ADAD1: variants seen among roughly 807,000 people sequenced by gnomAD.
ADAD1 encodes the protein adenosine deaminase domain-containing protein 1.
In ADAD1, 46 loss-of-function variants were observed where a neutral mutation model predicts 66.8. The observed-to-expected ratio is 0.69, with a 90% CI of 0.54 to 0.88. ADAD1 has a LOEUF of 0.88. Among genes scored for constraint, ADAD1 ranks in the 40% least tolerant of loss-of-function variants. The pLI, the probability that ADAD1 is intolerant of heterozygous loss-of-function variation, is 0.00. For synonymous variants in ADAD1, 248 were observed against 229.4 expected, an observed-to-expected ratio of 1.08 and a Z score of -0.73; for missense variants, 617 against 681.8, an observed-to-expected ratio of 0.91 and a Z score of 1.06.
intron 7 of ADAD1, among the ~76,000 whole-genome samples, chr4:122,404,872 A>T (rs1796137983): frequency 6.6e-6 from 1 of 152,130 alleles, no homozygotes; most frequent in Admixed American, 6.5e-5. Context: ...CTCCTCCTAT[A>T]GGCTAATTCT....
chr4:122,407,853 A>C (rs1796286289), intron 7 of ADAD1, 55 bp from the exon 8 acceptor site: 1 of 1,583,670 alleles, frequency 6.3e-7, no homozygotes, highest in Non-Finnish European at 8.6e-7. Context: ...TAAGAGGTGA[A>C]TGTAGGGAAG....
chr4:122,409,423 G>A (rs1358428229), intron 8 of ADAD1, among the ~76,000 whole-genome samples: 1 of 151,756 alleles, frequency 6.6e-6, no homozygotes, highest in Non-Finnish European at 1.5e-5. Flanking sequence ...TAGTGTATAT[G>A]TTTATAGCGT....
At chr4:122,426,057 A>G (rs1032158298) in intron 12 of ADAD1, among the ~76,000 whole-genome samples, 13 of 152,114 alleles carry the variant, frequency 8.5e-5, no homozygotes, top group African/African-American at 3.1e-4. Flanking sequence ...GTAGGAAAAA[A>G]TCTAAATTTG....
intron 6 of ADAD1, among the ~76,000 whole-genome samples, chr4:122,394,615 A>G (rs1159539772): frequency 6.6e-6 from 1 of 152,212 alleles, no homozygotes; most frequent in Admixed American, 6.5e-5. Flanking sequence ...AGTTAGATAT[A>G]GTGTGTGGCC....
intron 6 of ADAD1, among the ~76,000 whole-genome samples, chr4:122,394,284 T>C (rs1795594174): frequency 6.6e-6 from 1 of 152,196 alleles, no homozygotes; most frequent in Non-Finnish European, 1.5e-5. Context: ...TATTTCACAT[T>C]GTATGGTAGT....
At chr4:122,396,184 TAAG>T (rs1288459521) in intron 6 of ADAD1, 65 bp from the exon 7 acceptor site, 3 of 1,299,060 alleles carry the variant, frequency 2.3e-6, no homozygotes, top group African/African-American at 1.5e-5. Context: ...AAGGTTATAA[TAAG>T]AATAATAAGA....
rs367677453 is a variant in ADAD1 at position 122,393,607 on chromosome 4, C to A, written c.548C>A (p.Ala183Glu). The A allele has an allele frequency of 1.3e-6, 2 of 1,598,218 alleles. No homozygotes were observed. Among genetic ancestry groups the A allele is most frequent in the South Asian group, 1.1e-5 (1 of 87,572 alleles). The change falls in exon 6 of 13, where the codon GCA (alanine) becomes GAA (glutamate). Residue 183 changes from alanine to glutamate, a missense_variant. Transcript: ENST00000296513. ...TTTACAGGTCCTCCTCCTTTCCCTG[C>A]AGAACCTGTTGTTTTATCTGAACTA... Reference protein sequence around the residue: ...LETSGPPPFPAEPVVLSELAY... With the variant: ...LETSGPPPFPEEPVVLSELAY...
chr4:122,396,193 T>G, intron 6 of ADAD1, 59 bp from the exon 7 acceptor site: 1 of 1,376,910 alleles, frequency 7.3e-7, no homozygotes, highest in Non-Finnish European at 9.5e-7. Flanking sequence ...ATAAGAATAA[T>G]AAGACAGCTC....
Position 122,421,362 on chromosome 4 carries a change from T to C in ADAD1, c.1589T>C (p.Leu530Pro). The C allele has an allele frequency of 6.2e-7, 1 of 1,602,296 alleles. No homozygotes were observed. The highest frequency in any genetic ancestry group is 8.5e-7 in the Non-Finnish European group (1 of 1,171,990). The change falls in exon 12 of 13, where the codon CTT (leucine) becomes CCT (proline). Residue 530 changes from leucine to proline, a missense_variant. Transcript: ENST00000296513. ...GCCAAAGAAGCTAAAAAAGAATTAC[T>C]TGAAGCTGGTACATATCATGCAGCT... ...LLAKEAKKEL[L>P]EAGTYHAAKC...
intron 11 of ADAD1, among the ~76,000 whole-genome samples, chr4:122,416,517 A>T (rs1201528229): frequency 6.6e-6 from 1 of 152,190 alleles, no homozygotes; most frequent in African/African-American, 2.4e-5. Context: ...GCTTGAAGCC[A>T]AGAGTTCAAG....
At chr4:122,388,097 A>G (rs1795262599) in intron 5 of ADAD1, among the ~76,000 whole-genome samples, 1 of 152,164 alleles carries the variant, frequency 6.6e-6, no homozygotes, top group Non-Finnish European at 1.5e-5. Flanking sequence ...AATTTATCAA[A>G]GGCCTTTTCT....
Position 122,383,857 on chromosome 4 carries a change from G to A in ADAD1, c.420G>A (p.Lys140=), listed in dbSNP as rs1795028717. Residue 140 remains lysine (K), a synonymous_variant, in exon 5 of 13, where the codon AAG becomes AAA. Transcript: ENST00000296513. The part of the protein sequence containing the change: ...FCAVVDGIQY[K]TGLGQNKKES... ...CTGTGGTGGATGGTATTCAGTACAA[G>A]ACTGGACTGGGACAAAATAAAAAGG... The A allele has an allele frequency of 6.2e-7, 1 of 1,613,966 alleles. No homozygotes were observed.
At chr4:122,411,818 A>T (rs1388164914) in intron 9 of ADAD1, among the ~76,000 whole-genome samples, 2 of 152,182 alleles carry the variant, frequency 1.3e-5, no homozygotes, top group African/African-American at 4.8e-5. Flanking sequence ...CCTGTGACTA[A>T]AAGTTCCATG....
At chr4:122,380,712 G>A (rs1251573957) in intron 3 of ADAD1, among the ~76,000 whole-genome samples, 2 of 152,044 alleles carry the variant, frequency 1.3e-5, no homozygotes, top group African/African-American at 4.8e-5. Flanking sequence ...AAATTTCTTG[G>A]TTTCTGGAGA....
At chr4:122,408,416 C>T (rs1360770227) in intron 8 of ADAD1, among the ~76,000 whole-genome samples, 1 of 152,216 alleles carries the variant, frequency 6.6e-6, no homozygotes, top group Non-Finnish European at 1.5e-5. Context: ...GCTGGGATTA[C>T]AGGCATGCGC....
In ADAD1 at chr4:122,382,354, T is replaced by C. The variant is rs1794939031; in HGVS notation, c.361+1174T>C. 2.0e-5 allele frequency among the ~76,000 whole-genome samples: 3 copies of C among 152,238 alleles called. No homozygotes were observed. In the South Asian group the frequency reaches 6.2e-4, roughly 32 times the overall value. On this transcript the variant is annotated intron_variant, in intron 4 of 12. Coordinates refer to ENST00000296513, the MANE Select transcript of ADAD1 (RefSeq NM_139243.4). ...AATTTTTTAATAGCTCTATGTGTGA[T>C]TTAGATTTACACTAAAGTTTGAGAA...
intron 5 of ADAD1, 56 bp from the exon 6 acceptor site, chr4:122,393,533 C>A: frequency 6.9e-7 from 1 of 1,447,534 alleles, no homozygotes; most frequent in Non-Finnish European, 9.3e-7. Context: ...AAAGAAATAC[C>A]AGCTCTTTGG....
At chr4:122,429,278 A>C (rs1333985799) in intron 12 of ADAD1, among the ~76,000 whole-genome samples, 4 of 150,786 alleles carry the variant, frequency 2.7e-5, no homozygotes, top group Non-Finnish European at 5.9e-5. Context: ...GCAAAAAATA[A>C]AAAAAAAATA....
chr4:122,427,523 C>CTTTT lies in ADAD1; in HGVS notation c.1618-2080_1618-2077dup, dbSNP rs59864757. Reference sequence around the variant, plus strand: ...GAAATTGATATGGAAATCCAAAGGCCTTTTTTTTTTTTTTTTTTTTTTTTT... The same window carrying CTTTT: ...GAAATTGATATGGAAATCCAAAGGCCTTTTTTTTTTTTTTTTTTTTTTTTTTTTT... On this transcript the variant is annotated intron_variant, in intron 12 of 12. Coordinates refer to ENST00000296513, the MANE Select transcript of ADAD1 (RefSeq NM_139243.4). 1.3e-3 allele frequency among the ~76,000 whole-genome samples: 90 copies of CTTTT among 71,982 alleles called. 14 individuals carry two copies. The highest frequency in any genetic ancestry group is 3.1e-3 in the African/African-American group (55 of 17,532). 47.2% of individuals were successfully genotyped at this position (71,982 alleles called of 152,430 possible). A position where few individuals can be genotyped will look rare whatever the true frequency, so the allele number is the denominator to read the frequency against.
Sources: allele counts gnomAD v4.1 joint callset (sites outside exome capture counted in the v4.1 genomes callset), GRCh38; gene constraint gnomAD v4.1.1; transcripts MANE v1.5; gene names NCBI Gene and HGNC (gene_info 2026-07-23, HGNC 2026-07-21).